ADGRB1: variants seen among roughly 807,000 people sequenced by gnomAD.
ADGRB1 encodes brain-specific angiogenesis inhibitor 1.
ADGRB1 carries 36 observed loss-of-function variants against 175.7 expected under a neutral mutation model. That is an observed-to-expected ratio of 0.20 (90% CI 0.16 to 0.27). The LOEUF (loss-of-function observed/expected upper bound fraction) is 0.27, where lower values mean the gene tolerates loss of function less well. Ranked by LOEUF, ADGRB1 falls within the 10% of genes least tolerant of loss-of-function variation. The pLI is 1.00. For synonymous variants in ADGRB1, 1,054 were observed against 979.4 expected (o/e 1.08, Z -1.42); for missense variants, 1,731 against 2,255.3 (o/e 0.77, Z 4.71).
rs1477693751 is a variant in ADGRB1 at position 142,544,202 on chromosome 8, C to A, written c.4558-18C>A. 1.3e-6 allele frequency: 2 copies of A among 1,547,738 alleles called. No homozygotes were observed. The highest frequency in any genetic ancestry group is 1.7e-6 in the Non-Finnish European group (2 of 1,146,376). ...CCCTCCGGGCCCCACCCCTCCTGCA[C>A]CACGGGCCACCCAGCAGCCGGAAAA... On this transcript the variant is annotated intron_variant, in intron 30 of 30. Coordinates refer to ENST00000517894, the MANE Select transcript of ADGRB1 (RefSeq NM_001702.3).
chr8:142,453,981 A>G (rs1839510921), intron 1 of ADGRB1, among the ~76,000 whole-genome samples: 2 of 152,200 alleles, frequency 1.3e-5, no homozygotes, highest in Admixed American at 1.3e-4. Context: ...GGTGGGAGGC[A>G]GGACAGGGGC....
In ADGRB1 at chr8:142,533,226, C is replaced by G; in HGVS notation, c.3399-69C>G. 5 of 1,393,862 alleles carry G rather than the reference C, an allele frequency of 3.6e-6. No individual in the cohort carries two copies. The South Asian group carries it at 6.0e-5, about 17-fold the overall frequency. The allele number at this position is 1,393,862 out of a possible 1,614,324, so 86.3% of individuals were successfully genotyped here. On this transcript the variant is annotated intron_variant, in intron 24 of 30. Transcript: ENST00000517894. Reference sequence around the variant, plus strand: ...GGGTCCCCACCGAGGCCTGGAGATGCAGGGTTCAGGGCAGGGTGTCCCTGG... The same window carrying G: ...GGGTCCCCACCGAGGCCTGGAGATGGAGGGTTCAGGGCAGGGTGTCCCTGG...
intron 24 of ADGRB1, among the ~76,000 whole-genome samples, chr8:142,532,823 C>G (rs1844702435): frequency 6.6e-6 from 1 of 152,090 alleles, no homozygotes; most frequent in Admixed American, 6.5e-5. Context: ...CACCCCACAC[C>G]AGACAGCCCA....
chr8:142,541,205 A>G (rs1366006544), intron 27 of ADGRB1, among the ~76,000 whole-genome samples: 3 of 151,962 alleles, frequency 2.0e-5, no homozygotes, highest in Non-Finnish European at 4.4e-5. Context: ...TGTCAGGGGC[A>G]GGCGGCTGGG....
Position 142,537,655 on chromosome 8 carries a change from C to T in ADGRB1, c.3666+573C>T, listed in dbSNP as rs577579055. On this transcript the variant is annotated intron_variant, in intron 26 of 30. Coordinates refer to ENST00000517894, the MANE Select transcript of ADGRB1 (RefSeq NM_001702.3). The surrounding 1 kb of genome is among the most constrained non-coding windows in gnomAD (Gnocchi z 4.6). ...CTGGGCTCTCTGCCCTCCCCCTGCCCATCCTGGTGTCCTCAGCGGTGTGTT... is the reference window on the plus strand; with the variant it reads ...CTGGGCTCTCTGCCCTCCCCCTGCCTATCCTGGTGTCCTCAGCGGTGTGTT... Among the ~76,000 whole-genome samples the T allele has an allele frequency of 1.3e-5, 2 of 152,248 alleles. No homozygotes were observed. Among genetic ancestry groups the T allele is most frequent in the South Asian group, 2.1e-4 (1 of 4,822 alleles).
chr8:142,495,410 A>T (rs977733204), intron 17 of ADGRB1, among the ~76,000 whole-genome samples: 1 of 152,110 alleles, frequency 6.6e-6, no homozygotes, highest in Non-Finnish European at 1.5e-5. Context: ...GGAAGGATAG[A>T]GATTCAGTTT....
chr8:142,465,051 A>T, intron 2 of ADGRB1, 69 bp downstream of exon 2: 131 of 318,062 alleles, frequency 4.1e-4, no homozygotes, highest in Middle Eastern at 9.4e-4. Flanking sequence ...CAGACAGGGG[A>T]GGCGGGCGGA....
intron 1 of ADGRB1, among the ~76,000 whole-genome samples, chr8:142,452,485 C>T (rs1839412449): frequency 6.6e-6 from 1 of 152,212 alleles, no homozygotes; most frequent in Admixed American, 6.5e-5. Context: ...GAGGCCCTTC[C>T]CTCTCCCGCA....
intron 14 of ADGRB1, 79 bp downstream of exon 14, chr8:142,488,586 G>A: frequency 6.5e-7 from 1 of 1,547,092 alleles, no homozygotes; most frequent in South Asian, 1.2e-5. Context: ...CCCTTCTGGA[G>A]TCTAGCTGCT....
chr8:142,503,725 G>A (rs1035493722), intron 17 of ADGRB1, among the ~76,000 whole-genome samples: 2 of 152,190 alleles, frequency 1.3e-5, no homozygotes, highest in Admixed American at 1.3e-4. Flanking sequence ...GCTCCATTCT[G>A]CCTGGCAGAC....
rs1563736088 is a variant in ADGRB1, at chr8:142,520,475, GGTTGTGTGATA to G, written c.2922-347_2922-337del. Among the ~76,000 whole-genome samples, 55 of 7,014 alleles carry G rather than the reference GGTTGTGTGATA, an allele frequency of 7.8e-3. 1 individual carries two copies. The East Asian group carries it at 0.11, about 14-fold the overall frequency. The allele number at this position is 7,014 out of a possible 152,430, so 4.6% of individuals were successfully genotyped here. A position where few individuals can be genotyped will look rare whatever the true frequency, so the allele number is the denominator to read the frequency against. On this transcript the variant is annotated intron_variant, in intron 19 of 30. Transcript: ENST00000517894. ...TGATGGTGGTGGTGGTGGTGGTGAT[GGTTGTGTGATA>G]ATGGTGATGGTGATGATGGTGATGT...
In ADGRB1 at chr8:142,479,401, G is replaced by A. The variant is rs1199685668; in HGVS notation, c.1640G>A (p.Arg547His). 3.3e-6 allele frequency: 5 copies of A among 1,538,124 alleles called. No individual in the cohort carries two copies. The highest frequency in any genetic ancestry group is 1.4e-5 in the African/African-American group (1 of 71,162). The change falls in exon 8 of 31, where the codon CGT becomes CAT. Residue 547 changes from arginine (R) to histidine (H), a missense_variant. Arg to His is a conservative substitution (Grantham distance 29). Transcript: ENST00000517894. Reference protein sequence around the residue: ...TCGAGSQRRERVCSGPFFGGA... With the variant: ...TCGAGSQRREHVCSGPFFGGA... ...GGGGCTGGCAGCCAGCGACGGGAGC[G>A]TGTCTGCTCTGGGCCCTTCTTCGGG...
chr8:142,540,635 C>T (rs868770322), intron 27 of ADGRB1, among the ~76,000 whole-genome samples: 2 of 152,126 alleles, frequency 1.3e-5, no homozygotes, highest in East Asian at 1.9e-4. Flanking sequence ...AGACCCCTCA[C>T]GTGCCAGGCG....
rs745371184 is a variant in ADGRB1, at chr8:142,476,712, G to C, written c.1057+17G>C. The C allele has an allele frequency of 6.3e-5, 97 of 1,538,284 alleles. No homozygotes were observed. The highest frequency in any genetic ancestry group is 7.0e-5 in the Non-Finnish European group (80 of 1,139,662). Reference sequence around the variant, plus strand: ...CCCAGACCGGTGAGCTGGCGGGAGGGGGGTGGGTGGGACTAGGGCTTTGGG... The same window carrying C: ...CCCAGACCGGTGAGCTGGCGGGAGGCGGGTGGGTGGGACTAGGGCTTTGGG... On this transcript the variant is annotated intron_variant, in intron 4 of 30. Coordinates refer to ENST00000517894, the MANE Select transcript of ADGRB1 (RefSeq NM_001702.3).
intron 24 of ADGRB1, among the ~76,000 whole-genome samples, chr8:142,530,211 T>C (rs1844543141): frequency 6.6e-6 from 1 of 151,928 alleles, no homozygotes; most frequent in Non-Finnish European, 1.5e-5. Context: ...GGAATGTGTT[T>C]ATAGGTGAGT....
At chr8:142,496,455 A>G (rs1337365536) in intron 17 of ADGRB1, among the ~76,000 whole-genome samples, 1 of 152,090 alleles carries the variant, frequency 6.6e-6, no homozygotes, top group East Asian at 1.9e-4. Flanking sequence ...TGAGTGAATG[A>G]TGGGTGGAGA....
chr8:142,520,385 T>G (rs1843730274), intron 19 of ADGRB1, among the ~76,000 whole-genome samples: 8 of 130,726 alleles, frequency 6.1e-5, no homozygotes, highest in Non-Finnish European at 9.9e-5. Context: ...GTGGTGGTGA[T>G]GGTAGTGATT....
At chr8:142,491,483 C>G (rs542172796) in intron 17 of ADGRB1, among the ~76,000 whole-genome samples, 3 of 152,320 alleles carry the variant, frequency 2.0e-5, no homozygotes, top group African/African-American at 7.2e-5. Context: ...AAGAGAAGCT[C>G]GCCCAGTCAC....
chr8:142,465,231 A>T (rs2131682381), intron 2 of ADGRB1, among the ~76,000 whole-genome samples: 1 of 152,336 alleles, frequency 6.6e-6, no homozygotes, highest in South Asian at 2.1e-4. Context: ...GCACAGAGTA[A>T]GAGTGAAGGT....
Sources: gnomAD v4.1 joint callset for allele counts (sites outside exome capture counted in the v4.1 genomes callset) on GRCh38, gnomAD v4.1.1 for gene constraint, Gnocchi (gnomAD v3.1) non-coding constraint, MANE v1.5 for transcripts, NCBI Gene and HGNC (gene_info 2026-07-23, HGNC 2026-07-21) for gene names.